Variants in RB1CC1 observed in about 807,000 individuals in gnomAD.
RB1CC1 encodes the protein RB1 inducible coiled-coil 1.
Under a neutral mutation model 177.5 loss-of-function variants are expected in RB1CC1, and 46 were observed. The ratio of observed to expected loss-of-function variants is 0.26; its 90% confidence interval spans 0.20 to 0.33. The LOEUF (loss-of-function observed/expected upper bound fraction) is 0.33, where lower values mean the gene tolerates loss of function less well. RB1CC1 is among the 10% of genes least tolerant of loss of function. RB1CC1 has a pLI of 1.00. For synonymous variants in RB1CC1, 666 were observed against 613.6 expected (o/e 1.09, Z -1.26); for missense variants, 1,703 against 1,816.3 (o/e 0.94, Z 1.13).
intron 5 of RB1CC1, among the ~76,000 whole-genome samples, chr8:52,681,819 C>G (rs1419524679): frequency 6.6e-6 from 1 of 152,188 alleles, no homozygotes; most frequent in African/African-American, 2.4e-5. Flanking sequence ...CGTTGGGGAA[C>G]CACCGCCTAG....
chr8:52,640,312 G>A (rs1849461590), intron 18 of RB1CC1, among the ~76,000 whole-genome samples: 1 of 152,116 alleles, frequency 6.6e-6, no homozygotes. Flanking sequence ...CCAGATAGGA[G>A]GAATAAGTTT....
chr8:52,680,244 T>C (rs1349499213), intron 5 of RB1CC1, among the ~76,000 whole-genome samples: 2 of 152,182 alleles, frequency 1.3e-5, no homozygotes, highest in Admixed American at 6.5e-5. Context: ...CTTGGTCTAA[T>C]TTTGCTTTAT....
At position 52,683,103 on chromosome 8, in the gene RB1CC1, G is replaced by C. The variant is rs1279722687; in HGVS notation, c.369+446C>G. On this transcript the variant is annotated intron_variant, in intron 5 of 23. Transcript: ENST00000025008. ...AATTAAAAAGGAAAATCAAATGACT[G>C]GGAAACAATCCGTGGGAACTGCAAG... Among the ~76,000 whole-genome samples the C allele has an allele frequency of 8.5e-5, 13 of 152,100 alleles. No individual in the cohort carries two copies. In the East Asian group the frequency reaches 2.3e-3, roughly 27 times the overall value.
intron 16 of RB1CC1, among the ~76,000 whole-genome samples, 193 bp downstream of exon 16, chr8:52,645,509 C>T (rs1849937384): frequency 6.6e-6 from 1 of 152,038 alleles, no homozygotes. Flanking sequence ...TATTATTCTC[C>T]AGATGAGTAA....
chr8:52,685,659 T>G, intron 2 of RB1CC1, 139 bp from the exon 3 acceptor site: 1 of 405,920 alleles, frequency 2.5e-6, no homozygotes. Flanking sequence ...GATGGCTAAC[T>G]GGATAGTTCA....
chr8:52,627,113 C>T lies in RB1CC1; in HGVS notation c.4636+919G>A, dbSNP rs144035309. ...CCTGTAATCCCAGCACTTTGGGAGCCTGAGGCAGGCAGATCACAAGGTCAG... is the reference window on the plus strand; with the variant it reads ...CCTGTAATCCCAGCACTTTGGGAGCTTGAGGCAGGCAGATCACAAGGTCAG... On this transcript the variant is annotated intron_variant, in intron 22 of 23. Transcript: ENST00000025008. Among the ~76,000 whole-genome samples the T allele has an allele frequency of 4.4e-3, 671 of 152,030 alleles. 2 individuals carry two copies. Among genetic ancestry groups the T allele is most frequent in the Middle Eastern group, 0.02 (6 of 294 alleles).
At position 52,656,479 on chromosome 8, in the gene RB1CC1, T is replaced by A; in HGVS notation, c.3350A>T (p.Asn1117Ile). 1 of 1,611,484 alleles carries A rather than the reference T, an allele frequency of 6.2e-7. No homozygotes were observed. The highest frequency in any genetic ancestry group is 8.5e-7 in the Non-Finnish European group (1 of 1,179,746). The part of the protein sequence containing the change: ...LNQKIQDNNE[N>I]YQVGLAELRT... ...TAGCTCTGCTAAGCCCACCTGATAA[T>A]TTTCATTATTATCCTGAATCTTTTG... The change falls in exon 15 of 24, where the codon AAT becomes ATT. Residue 1117 changes from asparagine (N) to isoleucine (I), a missense_variant. Around this residue, in one of 6 missense-constraint regions of RB1CC1, gnomAD observed 1,169 missense variants for 1,184.7 expected, o/e 0.99. Transcript: ENST00000025008.
chr8:52,661,912 T>C (rs1851670243), intron 8 of RB1CC1, among the ~76,000 whole-genome samples, 193 bp from the exon 9 acceptor site: 1 of 152,042 alleles, frequency 6.6e-6, no homozygotes, highest in Non-Finnish European at 1.5e-5. Context: ...AAGAATCCTA[T>C]GCTCATCTTT....
intron 1 of RB1CC1, among the ~76,000 whole-genome samples, chr8:52,713,053 C>G (rs1468146766): frequency 6.6e-6 from 1 of 152,156 alleles, no homozygotes; most frequent in Non-Finnish European, 1.5e-5. Flanking sequence ...TCCTAAATTG[C>G]TAACTGTCCA....
intron 1 of RB1CC1, among the ~76,000 whole-genome samples, chr8:52,692,020 A>G (rs1854915723): frequency 6.6e-6 from 1 of 152,204 alleles, no homozygotes; most frequent in Non-Finnish European, 1.5e-5. Flanking sequence ...TAATACATTC[A>G]TATCATTAGG....
chr8:52,684,963 A>G (rs1854125054), intron 3 of RB1CC1, among the ~76,000 whole-genome samples: 1 of 151,222 alleles, frequency 6.6e-6, no homozygotes, highest in African/African-American at 2.4e-5. Context: ...CATATAAAAT[A>G]TGTTGGGATA....
intron 23 of RB1CC1, 74 bp from the exon 24 acceptor site, chr8:52,623,933 CA>C: frequency 1.0e-6 from 1 of 988,984 alleles, no homozygotes; most frequent in Non-Finnish European, 1.6e-6. Context: ...CACACACACA[CA>C]CCCAAAAAAC....
intron 8 of RB1CC1, among the ~76,000 whole-genome samples, chr8:52,663,977 G>A (rs1851847122): frequency 6.6e-6 from 1 of 152,156 alleles, no homozygotes; most frequent in African/African-American, 2.4e-5. Context: ...TACAACTGTG[G>A]TACAGGATAA....
At position 52,673,946 on chromosome 8, in the gene RB1CC1, G is replaced by T. The variant is rs759416919; in HGVS notation, c.901C>A (p.Leu301Met). 2 of 1,614,064 alleles carry T rather than the reference G, an allele frequency of 1.2e-6. No individual in the cohort carries two copies. Among genetic ancestry groups the T allele is most frequent in the South Asian group, 2.2e-5 (2 of 91,062 alleles). The change falls in exon 7 of 24, where the codon CTG becomes ATG. Residue 301 changes from leucine to methionine, a missense_variant. This residue lies in a region of RB1CC1 where 315 missense variants were observed against 304.9 expected (regional missense o/e 1.03). Transcript: ENST00000025008. Reference protein sequence around the residue: ...ETTIDTKDGDLPFFNVSLLDW... With the variant: ...ETTIDTKDGDMPFFNVSLLDW... ...AACAAAGAGACATTAAAAAAGGGCA[G>T]ATCACCATCTTTAGTGTCAATCGTA...
chr8:52,649,573 T>C (rs1850385302), intron 15 of RB1CC1, among the ~76,000 whole-genome samples: 1 of 152,136 alleles, frequency 6.6e-6, no homozygotes, highest in Non-Finnish European at 1.5e-5. Context: ...GAGGCAGAGG[T>C]GGCAGTAAGC....
At chr8:52,713,660 T>C (rs1171538245) in intron 1 of RB1CC1, among the ~76,000 whole-genome samples, 1 of 152,196 alleles carries the variant, frequency 6.6e-6, no homozygotes, top group Non-Finnish European at 1.5e-5. Flanking sequence ...CTGGCAGCGA[T>C]GAGCACAAGT....
chr8:52,707,859 G>A (rs1019166339), intron 1 of RB1CC1, among the ~76,000 whole-genome samples: 7 of 152,074 alleles, frequency 4.6e-5, no homozygotes, highest in Non-Finnish European at 1.0e-4. Flanking sequence ...AAAAATGGCA[G>A]ACTTAGGAAC....
Position 52,657,652 on chromosome 8 carries a change from T to C in RB1CC1, c.2177A>G (p.Glu726Gly), listed in dbSNP as rs902369726. The C allele has an allele frequency of 6.2e-7, 1 of 1,614,034 alleles. No homozygotes were observed. Among genetic ancestry groups the C allele is most frequent in the African/African-American group, 1.3e-5 (1 of 74,944 alleles). Residue 726 changes from glutamate (E) to glycine (G), a missense_variant, in exon 15 of 24, where the codon GAA becomes GGA. Around this residue, in one of 6 missense-constraint regions of RB1CC1, gnomAD observed 1,169 missense variants for 1,184.7 expected, o/e 0.99. Transcript: ENST00000025008. ...QVSLDLDSLA[E>G]SPESDFMSAV... ...AGACATAAAATCTGATTCAGGACTT[T>C]CTGCTAATGAATCCAAGTCTAAAGA...
chr8:52,697,482 G>A (rs1855538824), intron 1 of RB1CC1, among the ~76,000 whole-genome samples: 2 of 152,236 alleles, frequency 1.3e-5, no homozygotes, highest in Admixed American at 6.5e-5. Flanking sequence ...TAAAGAATTA[G>A]AATTACTTTT....
Sources: allele counts gnomAD v4.1 joint callset (sites outside exome capture counted in the v4.1 genomes callset), GRCh38; gene constraint gnomAD v4.1.1; regional missense constraint gnomAD v4.1.1; transcripts MANE v1.5; gene names NCBI Gene and HGNC (gene_info 2026-07-23, HGNC 2026-07-21).